CCSER1: variants seen among roughly 807,000 people sequenced by gnomAD.
The protein encoded by CCSER1 is coiled-coil serine rich protein 1.
Under a neutral mutation model 82.0 loss-of-function variants are expected in CCSER1, and 41 were observed. The observed-to-expected ratio is 0.50, with a 90% CI of 0.39 to 0.65. The LOEUF is 0.65. Among genes scored for constraint, CCSER1 ranks in the 30% least tolerant of loss-of-function variants. CCSER1 has a pLI of 0.00. For synonymous variants in CCSER1, 414 were observed against 383.9 expected (o/e 1.08, Z -0.92); for missense variants, 1,119 against 1,064.2 (o/e 1.05, Z -0.72).
rs60193331 is a variant in CCSER1, at chr4:90,692,035, GTATATA to G, written c.1933-31849_1933-31844del. Among the ~76,000 whole-genome samples, 1,275 of 142,912 alleles carry G rather than the reference GTATATA, an allele frequency of 8.9e-3. 18 individuals are homozygous for G. Among genetic ancestry groups the G allele is most frequent in the East Asian group, 0.073 (362 of 4,940 alleles). The allele number at this position is 142,912 out of a possible 152,430, so 93.8% of individuals were successfully genotyped here. On this transcript the variant is annotated intron_variant, in intron 6 of 10. Transcript: ENST00000509176. ...AATATTCTTTTACAATTCAATGTGT[GTATATA>G]TATATATATATATATATATATATAT...
At chr4:90,796,287 T>C (rs1308686720) in intron 7 of CCSER1, among the ~76,000 whole-genome samples, 1 of 151,408 alleles carries the variant, frequency 6.6e-6, no homozygotes, top group Non-Finnish European at 1.5e-5. Context: ...ATAGAGGTAT[T>C]AATAATATTT....
At chr4:90,907,207 A>G (rs1215502853) in intron 8 of CCSER1, among the ~76,000 whole-genome samples, 1 of 152,138 alleles carries the variant, frequency 6.6e-6, no homozygotes, top group African/African-American at 2.4e-5. Flanking sequence ...TGTCAATAAG[A>G]AGCAGAGTAT....
intron 10 of CCSER1, among the ~76,000 whole-genome samples, chr4:91,106,584 A>G (rs1420993095): frequency 6.6e-6 from 1 of 152,188 alleles, no homozygotes; most frequent in Non-Finnish European, 1.5e-5. Context: ...CTCATCCAAG[A>G]CATGACTATA....
intron 10 of CCSER1, among the ~76,000 whole-genome samples, chr4:91,267,476 C>G (rs1345995118): frequency 5.9e-5 from 9 of 152,126 alleles, no homozygotes; most frequent in Non-Finnish European, 1.0e-4. Context: ...TTCCCTGCTT[C>G]TGTAGTGTGG....
At chr4:90,244,135 TAATG>T (rs1326942800) in intron 1 of CCSER1, among the ~76,000 whole-genome samples, 2 of 152,214 alleles carry the variant, frequency 1.3e-5, no homozygotes, top group African/African-American at 4.8e-5. Flanking sequence ...TATTTTCTCT[TAATG>T]AGAGAGGCTG....
intron 10 of CCSER1, among the ~76,000 whole-genome samples, chr4:91,314,717 G>A (rs895614885): frequency 2.0e-5 from 3 of 151,962 alleles, no homozygotes; most frequent in Admixed American, 2.0e-4. Context: ...AGATTCTCAA[G>A]ATAATTGACA....
chr4:91,054,528 C>G (rs1477272993), intron 9 of CCSER1, among the ~76,000 whole-genome samples: 2 of 151,488 alleles, frequency 1.3e-5, no homozygotes, highest in Non-Finnish European at 2.9e-5. Context: ...ATATAGTCAC[C>G]CTTGCTCTCT....
chr4:91,292,530 T>C lies in CCSER1; in HGVS notation c.2217+206536T>C, dbSNP rs542236232. On this transcript the variant is annotated intron_variant, in intron 10 of 10. Transcript: ENST00000509176. ...GAGGTAAATATTACTTATGATCTAA[T>C]CTTTATATCAAATAATTAGATATAA... Among the ~76,000 whole-genome samples the C allele has an allele frequency of 1.3e-5, 2 of 152,122 alleles. 1 individual carries two copies. The highest frequency in any genetic ancestry group is 4.8e-5 in the African/African-American group (2 of 41,538).
At chr4:90,732,694 C>A (rs765308553) in intron 7 of CCSER1, among the ~76,000 whole-genome samples, 1 of 152,074 alleles carries the variant, frequency 6.6e-6, no homozygotes, top group Non-Finnish European at 1.5e-5. Context: ...TGCAAGTGGG[C>A]CTTTCTAAGC....
chr4:90,614,707 G>A (rs1204476605), intron 5 of CCSER1, among the ~76,000 whole-genome samples: 1 of 152,096 alleles, frequency 6.6e-6, no homozygotes, highest in Non-Finnish European at 1.5e-5. Context: ...AACTAGCAGG[G>A]GTTGGTTCAT....
At chr4:90,257,229 A>T (rs111493933) in intron 1 of CCSER1, among the ~76,000 whole-genome samples, 6,754 of 151,688 alleles carry the variant, frequency 0.045, 386 homozygotes, top group African/African-American at 0.13. Flanking sequence ...ATATATATAT[A>T]GGTATATGTC....
At chr4:90,242,857 A>G (rs1233880250) in intron 1 of CCSER1, among the ~76,000 whole-genome samples, 1 of 152,160 alleles carries the variant, frequency 6.6e-6, no homozygotes, top group Non-Finnish European at 1.5e-5. Flanking sequence ...ATACAGCCAA[A>G]AGTAATGAAC....
chr4:91,168,296 T>TTG, intron 10 of CCSER1, among the ~76,000 whole-genome samples: 1 of 65,176 alleles, frequency 1.5e-5, no homozygotes, highest in African/African-American at 6.2e-5. Context: ...CGGCCGCCCC[T>TTG]TCTGGGATGT....
rs184498043 is a variant in CCSER1, at chr4:90,260,840, C to T, written c.-41-47404C>T. Among the ~76,000 whole-genome samples the T allele has an allele frequency of 4.9e-4, 74 of 152,244 alleles. 2 individuals carry two copies. Among genetic ancestry groups the T allele is most frequent in the Admixed American group, 2.0e-3 (30 of 15,292 alleles). On this transcript the variant is annotated intron_variant, in intron 1 of 10. Transcript: ENST00000509176. ...AAGCAATTTTCCTGCCTCAGCCTCC[C>T]GAGTAGCTAGGATTACAGGCGTGTG...
At chr4:91,596,971 T>G (rs745673582) in intron 10 of CCSER1, among the ~76,000 whole-genome samples, 1 of 152,014 alleles carries the variant, frequency 6.6e-6, no homozygotes, top group East Asian at 1.9e-4. Flanking sequence ...TAAGGACGCC[T>G]AGTGGGTCTT....
chr4:90,784,232 G>T (rs888142706), intron 7 of CCSER1, among the ~76,000 whole-genome samples: 1 of 152,134 alleles, frequency 6.6e-6, no homozygotes, highest in African/African-American at 2.4e-5. Flanking sequence ...TCATATGCAC[G>T]TGACTAGCTG....
At chr4:91,365,661 T>C (rs939840986) in intron 10 of CCSER1, among the ~76,000 whole-genome samples, 16 of 152,212 alleles carry the variant, frequency 1.1e-4, no homozygotes, top group African/African-American at 3.6e-4. Context: ...AAATTATTTT[T>C]TCCTTATTTA....
chr4:90,942,187 C>G (rs13125138), intron 9 of CCSER1, among the ~76,000 whole-genome samples: 7,447 of 151,972 alleles, frequency 0.049, 359 homozygotes, highest in East Asian at 0.21. Context: ...TGAGCTCAAG[C>G]GATCCACCCA....
intron 5 of CCSER1, among the ~76,000 whole-genome samples, chr4:90,491,918 C>G (rs980017996): frequency 6.6e-6 from 1 of 152,096 alleles, no homozygotes; most frequent in Admixed American, 6.6e-5. Context: ...ATTTGGTTTG[C>G]CAGTATTTTA....
Sources: gnomAD v4.1 joint callset for allele counts (sites outside exome capture counted in the v4.1 genomes callset) on GRCh38, gnomAD v4.1.1 for gene constraint, MANE v1.5 for transcripts, NCBI Gene and HGNC (gene_info 2026-07-23, HGNC 2026-07-21) for gene names.